Variants in PZP observed in about 807,000 individuals in gnomAD.
PZP encodes pregnancy zone protein.
Under a neutral mutation model 179.8 loss-of-function variants are expected in PZP, and 150 were observed. The observed-to-expected ratio is 0.83, with a 90% CI of 0.73 to 0.96. PZP has a LOEUF of 0.96. Among genes scored for constraint, PZP ranks in the 40% least tolerant of loss-of-function variants. PZP has a pLI of 0.00. For synonymous variants in PZP, 624 were observed against 652.3 expected (o/e 0.96, Z 0.66); for missense variants, 1,689 against 1,764.0 (o/e 0.96, Z 0.76).
rs1411021381 is a variant in PZP, at chr12:9,194,205, G to C, written c.1126C>G (p.Pro376Ala). 3.7e-6 allele frequency: 6 copies of C among 1,613,832 alleles called. No homozygotes were observed. Among genetic ancestry groups the C allele is most frequent in the Non-Finnish European group, 5.1e-6 (6 of 1,179,886 alleles). ...LLVDGKGVPI[P>A]NKLFFISVND... ...ACAGAGATGAAGAAGAGTTTATTGG[G>C]GATGGGCACACCTTTTCCATCCACC... Residue 376 changes from proline (P) to alanine (A), a missense_variant, in exon 11 of 36, where the codon CCC becomes GCC. Pro to Ala is a conservative substitution (Grantham distance 27). Transcript: ENST00000261336.
At position 9,150,765 on chromosome 12, in the gene PZP, G is replaced by A. The variant is rs1940295367; in HGVS notation, c.4282-19C>T. 1.3e-6 allele frequency: 2 copies of A among 1,527,850 alleles called. No individual in the cohort carries two copies. The highest frequency in any genetic ancestry group is 1.4e-5 in the African/African-American group (1 of 73,352). 94.6% of individuals were successfully genotyped at this position (1,527,850 alleles called of 1,614,324 possible). A position where few individuals can be genotyped will look rare whatever the true frequency, so the allele number is the denominator to read the frequency against. ...TTGTCACCTGAAAGGAAAAGTGGGAGTAATCAAGAACCTAGAAAACCTCCT... is the reference window on the plus strand; with the variant it reads ...TTGTCACCTGAAAGGAAAAGTGGGAATAATCAAGAACCTAGAAAACCTCCT... On this transcript the variant is annotated intron_variant, in intron 33 of 35. Transcript: ENST00000261336.
chr12:9,163,744 TC>T lies in PZP; in HGVS notation c.2659del (p.Glu887AsnfsTer39), dbSNP rs1448154380. On this transcript the variant is annotated frameshift_variant, in exon 21 of 36. Coordinates refer to ENST00000261336, the MANE Select transcript of PZP (RefSeq NM_002864.3). LOFTEE classifies it high-confidence loss of function. ...CTCAACAACCTCATTTCCACAGAGT[TC>T]TAAGGACTGCATTGCCTCTGCACTC... ...SVSAEAMQSL[E>X]LCGNEVVEVP... 6.2e-7 allele frequency: 1 copy of T among 1,613,866 alleles called. No individual in the cohort carries two copies. Among genetic ancestry groups the T allele is most frequent in the African/African-American group, 1.3e-5 (1 of 74,920 alleles).
Position 9,200,431 on chromosome 12 carries a change from C to G in PZP, c.688G>C (p.Val230Leu). The G allele has an allele frequency of 6.2e-7, 1 of 1,610,032 alleles. No homozygotes were observed. The highest frequency in any genetic ancestry group is 8.5e-7 in the Non-Finnish European group (1 of 1,176,600). The change falls in exon 7 of 36, where the codon GTC (valine) becomes CTC (leucine). Residue 230 changes from valine (V) to leucine (L), a missense_variant. By Grantham distance (32) the Val-to-Leu change is conservative. Coordinates refer to ENST00000261336, the MANE Select transcript of PZP (RefSeq NM_002864.3). ...ATTATCTTTGGCACCTGAACTTTGA[C>G]CTCAAACTTGGGAAGCACTGTTAAT... is the stretch of plus-strand genomic sequence containing the variant. ...VEEFVLPKFE[V>L]KVQVPKIISI...
the PZP span, among the ~76,000 whole-genome samples, chr12:9,139,748 C>A: frequency 2.0e-5 from 3 of 152,230 alleles, no homozygotes; most frequent in Non-Finnish European, 2.9e-5. Flanking sequence ...GTAGCCACTC[C>A]TCCTGTAAGA....
chr12:9,174,675 G>T (rs1942241548), intron 15 of PZP, among the ~76,000 whole-genome samples: 1 of 152,016 alleles, frequency 6.6e-6, no homozygotes, highest in Non-Finnish European at 1.5e-5. Flanking sequence ...CAACAGGCAA[G>T]CAGAGATCCA....
chr12:9,185,654 G>C (rs1943051265), intron 13 of PZP, among the ~76,000 whole-genome samples: 1 of 41,600 alleles, frequency 2.4e-5, no homozygotes. Context: ...AGGTTGAAAT[G>C]AATGAAAAAA....
In PZP at chr12:9,163,712, C is replaced by A. The variant is rs755855802; in HGVS notation, c.2692G>T (p.Glu898Ter). Residue 898 changes from glutamate (E) to a stop codon, truncating the protein, a stop_gained, in exon 21 of 36, where the codon GAG becomes TAG. Coordinates refer to ENST00000261336, the MANE Select transcript of PZP (RefSeq NM_002864.3). LOFTEE classifies it high-confidence loss of function. ...LCGNEVVEVP[E>*]IKRKDTVIKT... ...ATGACTGTGTCTTTTCTTTTAATCT[C>A]AGGGACCTCAACAACCTCATTTCCA... is the stretch of plus-strand genomic sequence containing the variant. 1.8e-5 allele frequency: 29 copies of A among 1,614,016 alleles called. No individual in the cohort carries two copies. Among genetic ancestry groups the A allele is most frequent in the East Asian group, 1.6e-4 (7 of 44,870 alleles).
intron 15 of PZP, among the ~76,000 whole-genome samples, chr12:9,177,792 G>A (rs1380100601): frequency 6.6e-6 from 1 of 152,124 alleles, no homozygotes; most frequent in Non-Finnish European, 1.5e-5. Flanking sequence ...AAACCTTACT[G>A]AAGTGACTGT....
chr12:9,203,999 C>T (rs201074164), intron 1 of PZP, 48 bp from the exon 2 acceptor site: 33 of 1,492,178 alleles, frequency 2.2e-5, no homozygotes, highest in Non-Finnish European at 2.8e-5. Flanking sequence ...TGATAGTAAG[C>T]GTTTTCATCC....
At chr12:9,167,813 C>T (rs1350918501) in intron 17 of PZP, among the ~76,000 whole-genome samples, 1 of 152,138 alleles carries the variant, frequency 6.6e-6, no homozygotes, top group African/African-American at 2.4e-5. Context: ...TTCCTTCCCC[C>T]CAAACCTCAA....
chr12:9,183,698 T>C (rs1031343972), intron 13 of PZP, among the ~76,000 whole-genome samples: 5 of 152,204 alleles, frequency 3.3e-5, no homozygotes, highest in Admixed American at 3.3e-4. Flanking sequence ...CAAAATTTAC[T>C]TTTTTAAAAT....
chr12:9,169,177 C>G (rs943989710), intron 16 of PZP, among the ~76,000 whole-genome samples: 15 of 94,034 alleles, frequency 1.6e-4, no homozygotes, highest in African/African-American at 4.4e-4. Context: ...TTTTGGTTTG[C>G]AAATAAAAAA....
At position 9,164,213 on chromosome 12, in the gene PZP, T is replaced by C. The variant is rs772782335; in HGVS notation, c.2534A>G (p.Asn845Ser). ...ACAATAGGATTCTTCTCCCTTTGTA[T>C]TTTGGGAAGCTAGGAAGGCTGGAGA... is the stretch of plus-strand genomic sequence containing the variant. ...KASPAFLASQ[N>S]TKGEESYCIC... Residue 845 changes from asparagine (N) to serine (S), a missense_variant, in exon 20 of 36, where the codon AAT becomes AGT. Transcript: ENST00000261336. The C allele has an allele frequency of 2.5e-6, 4 of 1,611,726 alleles. No individual in the cohort carries two copies. In the South Asian group the frequency reaches 4.4e-5, roughly 18 times the overall value.
chr12:9,150,733 G>T lies in PZP; in HGVS notation c.4295C>A (p.Thr1432Lys). Residue 1432 changes from threonine to lysine, a missense_variant, in exon 34 of 36, where the codon ACG (threonine) becomes AAG (lysine). This residue lies in a region of PZP where 746 missense variants were observed against 749.2 expected (regional missense o/e 1.00). Coordinates refer to ENST00000261336, the MANE Select transcript of PZP (RefSeq NM_002864.3). ...LIYVEQVTNQ[T>K]LSFSFMVLQD... ...CAGAACCATGAAGGAAAAACTTAGCGTCTGATTTGTCACCTGAAAGGAAAA... is the reference window on the plus strand; with the variant it reads ...CAGAACCATGAAGGAAAAACTTAGCTTCTGATTTGTCACCTGAAAGGAAAA... The T allele has an allele frequency of 1.9e-6, 3 of 1,610,488 alleles. No homozygotes were observed. The highest frequency in any genetic ancestry group is 2.5e-6 in the Non-Finnish European group (3 of 1,177,682).
At chr12:9,148,207 A>T (rs1215293501), downstream of PZP, among the ~76,000 whole-genome samples, 1 of 152,182 alleles carries the variant, frequency 6.6e-6, no homozygotes, top group African/African-American at 2.4e-5. Flanking sequence ...TAACATGTAC[A>T]TTACTTCATA....
intron 14 of PZP, among the ~76,000 whole-genome samples, chr12:9,181,572 T>C (rs1942763046): frequency 6.6e-6 from 1 of 152,244 alleles, no homozygotes; most frequent in Non-Finnish European, 1.5e-5. Flanking sequence ...AGCTTAGTCT[T>C]GTCCTAAGGA....
intron 17 of PZP, chr12:9,166,979 A>G (rs566554709): frequency 2.0e-5 from 3 of 152,228 alleles, no homozygotes; most frequent in Non-Finnish European, 4.4e-5. Flanking sequence ...AAGAATACTT[A>G]CAAGGAAAAA....
intron 17 of PZP, among the ~76,000 whole-genome samples, chr12:9,167,929 A>G (rs1286608988): frequency 6.6e-6 from 1 of 152,174 alleles, no homozygotes; most frequent in African/African-American, 2.4e-5. Flanking sequence ...AGACAAAATC[A>G]TATTTACCAT....
chr12:9,136,513 G>A, the PZP span, among the ~76,000 whole-genome samples: 1 of 152,206 alleles, frequency 6.6e-6, no homozygotes, highest in East Asian at 1.9e-4. Context: ...ATATTCCATT[G>A]TGCATGTGTG....
Sources: allele counts gnomAD v4.1 joint callset (sites outside exome capture counted in the v4.1 genomes callset), GRCh38; gene constraint gnomAD v4.1.1; regional missense constraint gnomAD v4.1.1; transcripts MANE v1.5; gene names NCBI Gene and HGNC (gene_info 2026-07-23, HGNC 2026-07-21).